FERRY3: variants seen among roughly 807,000 people sequenced by gnomAD.
FERRY3 encodes the protein protein C12orf4.
chr12:4,527,084 A>G, the FERRY3 span, among the ~76,000 whole-genome samples: 1 of 152,160 alleles, frequency 6.6e-6, no homozygotes, highest in Non-Finnish European at 1.5e-5. Context: ...TAGAAACAGA[A>G]ATAACTGCTA....
the FERRY3 span, among the ~76,000 whole-genome samples, chr12:4,499,656 G>A: frequency 6.6e-6 from 1 of 152,166 alleles, no homozygotes; most frequent in Non-Finnish European, 1.5e-5. Context: ...GTTAAACTAA[G>A]GCTGGCTTCT....
the FERRY3 span, among the ~76,000 whole-genome samples, chr12:4,516,569 AT>A: frequency 2.6e-5 from 4 of 152,214 alleles, no homozygotes; most frequent in African/African-American, 9.6e-5. Context: ...AGGGACATGG[AT>A]GGAGCTGGAA....
chr12:4,501,120 C>A, the FERRY3 span, among the ~76,000 whole-genome samples: 159 of 152,304 alleles, frequency 1.0e-3, no homozygotes, highest in African/African-American at 3.6e-3. Flanking sequence ...ACCCCATCCA[C>A]AATCCAATCT....
chr12:4,496,023 G>C, the FERRY3 span, among the ~76,000 whole-genome samples: 4 of 152,298 alleles, frequency 2.6e-5, no homozygotes, highest in South Asian at 2.1e-4. Context: ...AGCAGCGTAT[G>C]ACTCTAAGAG....
chr12:4,523,928 T>C, the FERRY3 span, among the ~76,000 whole-genome samples: 1 of 152,058 alleles, frequency 6.6e-6, no homozygotes, highest in Non-Finnish European at 1.5e-5. Context: ...CTGCACGTTG[T>C]GCACATGTAC....
At chr12:4,522,947 C>T in the FERRY3 span, among the ~76,000 whole-genome samples, 1 of 152,244 alleles carries the variant, frequency 6.6e-6, no homozygotes, top group East Asian at 1.9e-4. Flanking sequence ...ATGTTACATT[C>T]TAGAAAAATC....
chr12:4,489,473 G>A, the FERRY3 span: 1 of 165,268 alleles, frequency 6.1e-6, no homozygotes, highest in Admixed American at 6.3e-5. Context: ...TCTTGAAAAA[G>A]TCAAATGCCT....
chr12:4,497,265 A>G, the FERRY3 span, among the ~76,000 whole-genome samples: 2 of 152,196 alleles, frequency 1.3e-5, no homozygotes, highest in Admixed American at 6.5e-5. Context: ...ATATTGAACG[A>G]AAGAAGCCAG....
chr12:4,521,948 G>T, the FERRY3 span, among the ~76,000 whole-genome samples: 10 of 152,166 alleles, frequency 6.6e-5, no homozygotes, highest in African/African-American at 2.4e-4. Context: ...GAGGATTTTT[G>T]AGTAACAAAA....
the FERRY3 span, among the ~76,000 whole-genome samples, chr12:4,528,896 TACACACAC>T: frequency 0.05 from 6,574 of 131,578 alleles, 209 homozygotes; most frequent in South Asian, 0.092. Context: ...TTAAATCAGT[TACACACAC>T]ACACACACAC....
the FERRY3 span, among the ~76,000 whole-genome samples, chr12:4,527,912 GAAAAA>G: frequency 6.8e-6 from 1 of 147,280 alleles, no homozygotes; most frequent in African/African-American, 2.5e-5. Context: ...ACTATTCCAT[GAAAAA>G]AAAAAGTATG....
At chr12:4,518,915 T>G in the FERRY3 span, 2 of 1,381,696 alleles carry the variant, frequency 1.4e-6, no homozygotes, top group Non-Finnish European at 2.0e-6. Flanking sequence ...TACTTTTATG[T>G]TTGTCAAAAA....
At chr12:4,525,079 A>C in the FERRY3 span, 1 of 731,064 alleles carries the variant, frequency 1.4e-6, no homozygotes, top group Non-Finnish European at 2.1e-6. Context: ...TTGCCCCCCA[A>C]ATAATCCACA....
the FERRY3 span, among the ~76,000 whole-genome samples, chr12:4,532,142 TGTGTGGCCGAAGACAATTCTTCTTCCA>T: frequency 6.6e-6 from 1 of 151,420 alleles, no homozygotes; most frequent in Non-Finnish European, 1.5e-5. Context: ...ATGTATTTTA[TGTGTGGCCGAAGACAATTCTTCTTCCA>T]GTGTGGCCCA....
At chr12:4,536,147 T>C in the FERRY3 span, 7 of 1,604,238 alleles carry the variant, frequency 4.4e-6, no homozygotes, top group South Asian at 2.2e-5. Flanking sequence ...TAAATTTATA[T>C]ACAAATTCTC....
At chr12:4,499,534 A>G in the FERRY3 span, among the ~76,000 whole-genome samples, 1 of 152,224 alleles carries the variant, frequency 6.6e-6, no homozygotes, top group Non-Finnish European at 1.5e-5. Context: ...AAAACCATTC[A>G]TGGAAAAAGA....
the FERRY3 span, among the ~76,000 whole-genome samples, chr12:4,511,288 A>ATGTG: frequency 6.6e-6 from 1 of 151,142 alleles, no homozygotes; most frequent in Non-Finnish European, 1.5e-5. Flanking sequence ...CACATTAATA[A>ATGTG]TGGGAGACTT....
the FERRY3 span, among the ~76,000 whole-genome samples, chr12:4,497,837 T>C: frequency 6.6e-6 from 1 of 152,244 alleles, no homozygotes; most frequent in Non-Finnish European, 1.5e-5. Flanking sequence ...ATCTTCATTT[T>C]CTTGCACACA....
chr12:4,528,896 T>TACACACAC, the FERRY3 span, among the ~76,000 whole-genome samples: 74 of 131,614 alleles, frequency 5.6e-4, no homozygotes, highest in Non-Finnish European at 6.9e-4. Context: ...TTAAATCAGT[T>TACACACAC]ACACACACAC....
Sources: gnomAD v4.1 joint callset for allele counts (sites outside exome capture counted in the v4.1 genomes callset) on GRCh38, gnomAD v4.1.1 for gene constraint, MANE v1.5 for transcripts, NCBI Gene and HGNC (gene_info 2026-07-23, HGNC 2026-07-21) for gene names.